The following KPNA4 variants were observed in gnomAD, a reference collection of about 807,000 sequenced individuals.
KPNA4 encodes karyopherin subunit alpha 4, also known as importin subunit alpha-3.
In KPNA4, 13 loss-of-function variants were observed where a neutral mutation model predicts 71.3. That is an observed-to-expected ratio of 0.18 (90% CI 0.12 to 0.29). The LOEUF is 0.29. Ranked by LOEUF, KPNA4 falls within the 10% of genes least tolerant of loss-of-function variation. The pLI is 1.00. For synonymous variants in KPNA4, 189 were observed against 195.2 expected (o/e 0.97, Z 0.26); for missense variants, 334 against 603.2 (o/e 0.55, Z 4.67).
Position 160,544,234 on chromosome 3 carries a change from G to A in KPNA4, c.70-7394C>T, listed in dbSNP as rs557283332. ...TGTGTGTGTGTTCATGTATATGTGCGCACTGGCAAACAGATGGTGTTCAAC... is the reference window on the plus strand; with the variant it reads ...TGTGTGTGTGTTCATGTATATGTGCACACTGGCAAACAGATGGTGTTCAAC... On this transcript the variant is annotated intron_variant, in intron 1 of 16. Coordinates refer to ENST00000334256, the MANE Select transcript of KPNA4 (RefSeq NM_002268.5). 1.3e-4 allele frequency among the ~76,000 whole-genome samples: 20 copies of A among 152,258 alleles called. 1 individual carries two copies. Among genetic ancestry groups the A allele is most frequent in the African/African-American group, 4.6e-4 (19 of 41,546 alleles).
At position 160,560,678 on chromosome 3, in the gene KPNA4, A is replaced by G. The variant is rs148980913; in HGVS notation, c.69+4536T>C. Reference sequence around the variant, plus strand: ...CCAATCTTGTACATTCATTTGACATACTTAGTGACTACGAAAAATAAGGGC... The same window carrying G: ...CCAATCTTGTACATTCATTTGACATGCTTAGTGACTACGAAAAATAAGGGC... On this transcript the variant is annotated intron_variant, in intron 1 of 16. Transcript: ENST00000334256. Among the ~76,000 whole-genome samples, 217 of 152,142 alleles carry G rather than the reference A, an allele frequency of 1.4e-3. 1 individual carries two copies. Among genetic ancestry groups the G allele is most frequent in the African/African-American group, 5.1e-3 (213 of 41,562 alleles).
intron 13 of KPNA4, 44 bp from the exon 14 acceptor site, chr3:160,509,915 G>T: frequency 8.1e-7 from 1 of 1,232,968 alleles, no homozygotes; most frequent in Non-Finnish European, 1.2e-6. Flanking sequence ...GCCACATAGA[G>T]TAAACTGGAA....
At chr3:160,519,532 C>T (rs972316940) in intron 11 of KPNA4, among the ~76,000 whole-genome samples, 3 of 152,010 alleles carry the variant, frequency 2.0e-5, no homozygotes, top group Admixed American at 6.6e-5. Context: ...CGGTGGCTCA[C>T]GCCTGTAATC....
intron 1 of KPNA4, among the ~76,000 whole-genome samples, chr3:160,561,177 G>A (rs1722237778): frequency 6.6e-6 from 1 of 151,870 alleles, no homozygotes; most frequent in South Asian, 2.1e-4. Context: ...TTAAAGTTGT[G>A]TTTTTAAAAG....
chr3:160,502,007 C>A lies in KPNA4; in HGVS notation c.*97G>T, dbSNP rs1720892121. 8.5e-6 allele frequency: 3 copies of A among 352,004 alleles called. No individual in the cohort carries two copies. The highest frequency in any genetic ancestry group is 1.5e-5 in the Non-Finnish European group (3 of 203,402). 21.8% of individuals were successfully genotyped at this position (352,004 alleles called of 1,614,324 possible). A position where few individuals can be genotyped will look rare whatever the true frequency, so the allele number is the denominator to read the frequency against. ...CATGAGCCAAGCTTGATGGATCAAA[C>A]CTTTTTATATATATGTATATATATA... On this transcript the variant is annotated 3_prime_UTR_variant, in exon 17 of 17. Coordinates refer to ENST00000334256, the MANE Select transcript of KPNA4 (RefSeq NM_002268.5).
At chr3:160,517,623 G>C (rs1478204459) in intron 11 of KPNA4, among the ~76,000 whole-genome samples, 1 of 152,066 alleles carries the variant, frequency 6.6e-6, no homozygotes, top group Non-Finnish European at 1.5e-5. Flanking sequence ...CTCACCAAAA[G>C]TATGTTATCG....
chr3:160,526,488 T>C (rs1474624682), intron 8 of KPNA4, among the ~76,000 whole-genome samples: 1 of 152,226 alleles, frequency 6.6e-6, no homozygotes, highest in Non-Finnish European at 1.5e-5. Flanking sequence ...AACTATAAAT[T>C]ACTCTATACA....
Position 160,535,833 on chromosome 3 carries a change from G to A in KPNA4, c.179C>T (p.Ser60Phe). 7.7e-7 allele frequency: 1 copy of A among 1,302,526 alleles called. No homozygotes were observed. Among genetic ancestry groups the A allele is most frequent in the Non-Finnish European group, 9.9e-7 (1 of 1,011,308 alleles). The allele number at this position is 1,302,526 out of a possible 1,614,324, so 80.7% of individuals were successfully genotyped here. ...NVPHEDICED[S>F]DIDGDYRVQN... ...CACTCTATAATCACCATCTATATCA[G>A]AGTCTTCACAGATATCTTCATGTGG... The change falls in exon 3 of 17, where the codon TCT becomes TTT. Residue 60 changes from serine (S) to phenylalanine (F), a missense_variant. By Grantham distance (155) the Ser-to-Phe change is radical. Coordinates refer to ENST00000334256, the MANE Select transcript of KPNA4 (RefSeq NM_002268.5).
chr3:160,504,895 T>C (rs1230254619), intron 16 of KPNA4, 63 bp downstream of exon 16: 1 of 693,064 alleles, frequency 1.4e-6, no homozygotes, highest in Non-Finnish European at 2.2e-6. Context: ...TTACTATATA[T>C]ATTACTTTAT....
intron 1 of KPNA4, among the ~76,000 whole-genome samples, chr3:160,550,905 G>A (rs1269235310): frequency 6.6e-6 from 1 of 152,162 alleles, no homozygotes. Flanking sequence ...TGGATTTGGT[G>A]CACCAGTATT....
At chr3:160,506,467 G>A (rs528152077) in intron 15 of KPNA4, among the ~76,000 whole-genome samples, 6 of 152,126 alleles carry the variant, frequency 3.9e-5, no homozygotes, top group East Asian at 1.9e-4. Flanking sequence ...CACTGTGCCC[G>A]GCCATAAATA....
chr3:160,560,685 G>A (rs1405130575), intron 1 of KPNA4, among the ~76,000 whole-genome samples: 1 of 151,784 alleles, frequency 6.6e-6, no homozygotes, highest in Non-Finnish European at 1.5e-5. Context: ...CATACTTAGT[G>A]ACTACGAAAA....
At chr3:160,556,131 G>A (rs1213925878) in intron 1 of KPNA4, among the ~76,000 whole-genome samples, 2 of 152,248 alleles carry the variant, frequency 1.3e-5, no homozygotes, top group African/African-American at 4.8e-5. Flanking sequence ...ACTGCGCCCA[G>A]CCAAGTTGTT....
chr3:160,556,114 G>A (rs145916780), intron 1 of KPNA4, among the ~76,000 whole-genome samples: 21 of 152,354 alleles, frequency 1.4e-4, no homozygotes, highest in African/African-American at 3.1e-4. Context: ...GATTACAGGC[G>A]TGAGCCACTG....
intron 1 of KPNA4, among the ~76,000 whole-genome samples, chr3:160,554,208 T>A (rs1165503365): frequency 6.6e-6 from 1 of 152,210 alleles, no homozygotes; most frequent in Non-Finnish European, 1.5e-5. Flanking sequence ...TGTAACAGCT[T>A]TGAGATATAA....
chr3:160,525,938 C>T lies in KPNA4; in HGVS notation c.726G>A (p.Glu242=). 1 of 1,557,360 alleles carries T rather than the reference C, an allele frequency of 6.4e-7. No homozygotes were observed. The change falls in exon 9 of 17, where the codon GAG becomes GAA. Residue 242 remains glutamate, a splice_region_variant and synonymous_variant. Transcript: ENST00000334256. ...DPPPPMETIQ[E]ILPALCVLIH... ...TTAATTTTTTTTTAAAAGTGTTTAC[C>T]TCCTGAATGGTTTCCATTGGTGGTG...
chr3:160,548,204 G>A (rs62272802), intron 1 of KPNA4, among the ~76,000 whole-genome samples: 1 of 151,716 alleles, frequency 6.6e-6, no homozygotes. Context: ...TTAGTGCTCT[G>A]GGTTTTTTTT....
chr3:160,520,312 C>T (rs1049225590), intron 11 of KPNA4, among the ~76,000 whole-genome samples: 9 of 151,234 alleles, frequency 6.0e-5, no homozygotes, highest in East Asian at 1.9e-4. Context: ...AGAGTAGTGG[C>T]GCAATCTTGG....
chr3:160,532,573 G>A (rs1335905041), intron 5 of KPNA4, among the ~76,000 whole-genome samples: 2 of 152,164 alleles, frequency 1.3e-5, no homozygotes, highest in Admixed American at 1.3e-4. Flanking sequence ...AAAACCTAGT[G>A]TCTATTTTCA....
Sources: gnomAD v4.1 joint callset for allele counts (sites outside exome capture counted in the v4.1 genomes callset) on GRCh38, gnomAD v4.1.1 for gene constraint, MANE v1.5 for transcripts, NCBI Gene and HGNC (gene_info 2026-07-23, HGNC 2026-07-21) for gene names.